Variants in ZBTB8OS observed in about 807,000 individuals in gnomAD.
ZBTB8OS encodes the protein tRNA-splicing ligase-activating factor archease.
A neutral mutation model predicts 29.3 loss-of-function variants in ZBTB8OS; 16 were observed. The observed-to-expected ratio is 0.55, with a 90% CI of 0.37 to 0.83. The LOEUF (loss-of-function observed/expected upper bound fraction) is 0.83, where lower values mean the gene tolerates loss of function less well. ZBTB8OS is among the 40% of genes least tolerant of loss of function. The pLI is 0.00. For synonymous variants in ZBTB8OS, 70 were observed against 64.6 expected, an observed-to-expected ratio of 1.08 and a Z score of -0.40; for missense variants, 160 against 196.9, an observed-to-expected ratio of 0.81 and a Z score of 1.12.
At chr1:32,650,380 G>C in intron 1 of ZBTB8OS, 53 bp downstream of exon 1, 1 of 1,608,830 alleles carries the variant, frequency 6.2e-7, no homozygotes, top group African/African-American at 1.3e-5. Context: ...CGGGTAAGGA[G>C]AGGGGATGCC....
At chr1:32,648,519 T>C (rs1056535007) in intron 1 of ZBTB8OS, among the ~76,000 whole-genome samples, 16 of 152,274 alleles carry the variant, frequency 1.1e-4, no homozygotes, top group African/African-American at 3.9e-4. Flanking sequence ...CTAGAACATC[T>C]AGGTATGTAC....
intron 6 of ZBTB8OS, among the ~76,000 whole-genome samples, chr1:32,626,412 T>C (rs1024898162): frequency 2.0e-5 from 3 of 152,186 alleles, no homozygotes; most frequent in African/African-American, 4.8e-5. Context: ...TCTCAGAATG[T>C]ATCCCAGTAG....
intron 6 of ZBTB8OS, among the ~76,000 whole-genome samples, chr1:32,622,475 GAA>G (rs895262919): frequency 2.6e-5 from 4 of 152,156 alleles, no homozygotes; most frequent in African/African-American, 7.2e-5. Context: ...TGCAGGAGCA[GAA>G]AATCAAATAC....
chr1:32,620,944 G>A lies in ZBTB8OS; in HGVS notation c.*918C>T, dbSNP rs2148270643. The A allele has an allele frequency of 6.6e-6, 1 of 152,270 alleles. No individual in the cohort carries two copies. Among genetic ancestry groups the A allele is most frequent in the Middle Eastern group, 3.4e-3 (1 of 294 alleles). 9.4% of individuals were successfully genotyped at this position (152,270 alleles called of 1,614,324 possible). A position where few individuals can be genotyped will look rare whatever the true frequency, so the allele number is the denominator to read the frequency against. ...ATTGACTTTTTCTTATGAGAAAACA[G>A]GAAATATCATTAGTGCTTTTAAAAA... On this transcript the variant is annotated 3_prime_UTR_variant, in exon 7 of 7. Transcript: ENST00000468695.
At chr1:32,645,274 G>T (rs537073607) in intron 1 of ZBTB8OS, among the ~76,000 whole-genome samples, 1 of 152,280 alleles carries the variant, frequency 6.6e-6, no homozygotes, top group South Asian at 2.1e-4. Context: ...AAGGCAGGAC[G>T]ATTGCTTAAG....
At chr1:32,648,221 G>A (rs765944036) in intron 1 of ZBTB8OS, among the ~76,000 whole-genome samples, 2 of 152,232 alleles carry the variant, frequency 1.3e-5, no homozygotes, top group Non-Finnish European at 2.9e-5. Flanking sequence ...ATTAGTAGAA[G>A]TGGGAGGAAA....
intron 1 of ZBTB8OS, among the ~76,000 whole-genome samples, chr1:32,641,161 G>A (rs1384265468): frequency 6.7e-6 from 1 of 150,264 alleles, no homozygotes; most frequent in East Asian, 2.0e-4. Flanking sequence ...AATAGAGCAA[G>A]CCAAATACTG....
chr1:32,631,379 G>GA (rs978904616), intron 5 of ZBTB8OS, among the ~76,000 whole-genome samples: 10 of 148,872 alleles, frequency 6.7e-5, no homozygotes, highest in Non-Finnish European at 1.0e-4. Context: ...AGAAAAAAAA[G>GA]AAAAAACCTA....
intron 1 of ZBTB8OS, among the ~76,000 whole-genome samples, chr1:32,636,079 G>A (rs755716709): frequency 3.9e-5 from 6 of 152,014 alleles, no homozygotes; most frequent in African/African-American, 4.8e-5. Context: ...ACCCAGACTC[G>A]TTATCTGGCT....
At chr1:32,634,726 T>C (rs1363664765) in intron 2 of ZBTB8OS, 42 bp downstream of exon 2, 1 of 1,613,358 alleles carries the variant, frequency 6.2e-7, no homozygotes, top group South Asian at 1.1e-5. Context: ...TCAGTCTTCC[T>C]ACTGACGTGG....
At chr1:32,638,497 C>A (rs575532348) in intron 1 of ZBTB8OS, among the ~76,000 whole-genome samples, 70 of 152,132 alleles carry the variant, frequency 4.6e-4, no homozygotes, top group Non-Finnish European at 8.1e-4. Context: ...GCCCAGAATT[C>A]TTTATTCTCC....
At chr1:32,642,462 C>T (rs111513519) in intron 1 of ZBTB8OS, among the ~76,000 whole-genome samples, 9,887 of 151,126 alleles carry the variant, frequency 0.065, 365 homozygotes, top group South Asian at 0.088. Context: ...CAAGATGGTG[C>T]CACTGCATTC....
intron 5 of ZBTB8OS, among the ~76,000 whole-genome samples, chr1:32,631,257 A>G (rs1435090525): frequency 6.6e-6 from 1 of 150,436 alleles, no homozygotes; most frequent in Non-Finnish European, 1.5e-5. Context: ...CAGGAGGCTG[A>G]GGTGGGAGGA....
chr1:32,638,129 G>A lies in ZBTB8OS; in HGVS notation c.98-3337C>T, dbSNP rs190643657. On this transcript the variant is annotated intron_variant, in intron 1 of 6. Coordinates refer to ENST00000468695, the MANE Select transcript of ZBTB8OS (RefSeq NM_178547.5). ...TGGGATTACAGGCCTGAGCCACCGCGCCCAGACTAAATTATATTTCAATTA... is the reference window on the plus strand; with the variant it reads ...TGGGATTACAGGCCTGAGCCACCGCACCCAGACTAAATTATATTTCAATTA... 1.9e-3 allele frequency among the ~76,000 whole-genome samples: 294 copies of A among 151,294 alleles called. 2 individuals carry two copies. Among genetic ancestry groups the A allele is most frequent in the African/African-American group, 6.7e-3 (278 of 41,190 alleles).
intron 1 of ZBTB8OS, among the ~76,000 whole-genome samples, chr1:32,645,290 G>C (rs753750992): frequency 6.6e-6 from 1 of 152,180 alleles, no homozygotes; most frequent in Non-Finnish European, 1.5e-5. Context: ...TTAAGGCCAG[G>C]ATTTCAAGAT....
intron 1 of ZBTB8OS, among the ~76,000 whole-genome samples, chr1:32,637,583 C>G (rs2148404632): frequency 6.6e-6 from 1 of 151,580 alleles, no homozygotes; most frequent in Non-Finnish European, 1.5e-5. Flanking sequence ...AAAAAAGAAT[C>G]TAAACTGTGT....
Position 32,624,588 on chromosome 1 carries a change from C to T in ZBTB8OS, c.418-2640G>A, listed in dbSNP as rs1644973064. ...TTTAATAAGCTATTTGTAAAACATT[C>T]CTTTTTGCTTTGAAAAGTTGATTGG... On this transcript the variant is annotated intron_variant, in intron 6 of 6. Coordinates refer to ENST00000468695, the MANE Select transcript of ZBTB8OS (RefSeq NM_178547.5). Among the ~76,000 whole-genome samples the T allele has an allele frequency of 3.3e-5, 5 of 152,272 alleles. 1 individual carries two copies. In the South Asian group the frequency reaches 1.0e-3, roughly 32 times the overall value.
chr1:32,641,710 G>A (rs544575854), intron 1 of ZBTB8OS, among the ~76,000 whole-genome samples: 18 of 149,740 alleles, frequency 1.2e-4, no homozygotes, highest in African/African-American at 4.4e-4. Context: ...TCAGCAGATC[G>A]AGACCATTCT....
chr1:32,637,288 G>C (rs1489886808), intron 1 of ZBTB8OS, among the ~76,000 whole-genome samples: 1 of 152,150 alleles, frequency 6.6e-6, no homozygotes, highest in Non-Finnish European at 1.5e-5. Context: ...ATCTGGCCGG[G>C]CGCGGTGGCT....
Sources: gnomAD v4.1 joint callset for allele counts (sites outside exome capture counted in the v4.1 genomes callset) on GRCh38, gnomAD v4.1.1 for gene constraint, MANE v1.5 for transcripts, NCBI Gene and HGNC (gene_info 2026-07-23, HGNC 2026-07-21) for gene names.